DNAJC12: variants seen among roughly 807,000 people sequenced by gnomAD.
DNAJC12 encodes the protein dnaJ homolog subfamily C member 12.
Under a neutral mutation model 28.5 loss-of-function variants are expected in DNAJC12, and 25 were observed. The observed-to-expected ratio is 0.88, with a 90% confidence interval of 0.64 to 1.22. The LOEUF (loss-of-function observed/expected upper bound fraction) is 1.22. Ranked by LOEUF, DNAJC12 falls within the 50% of genes most tolerant of loss-of-function variation. DNAJC12 has a pLI of 0.00. For synonymous variants in DNAJC12, 77 were observed against 80.6 expected, an observed-to-expected ratio of 0.95 and a Z score of 0.24; for missense variants, 222 against 231.7, an observed-to-expected ratio of 0.96 and a Z score of 0.27.
intron 1 of DNAJC12, among the ~76,000 whole-genome samples, chr10:67,832,360 G>C (rs1342658580): frequency 3.3e-5 from 5 of 151,586 alleles, no homozygotes; most frequent in Admixed American, 1.3e-4. Flanking sequence ...TTTAAAACTA[G>C]ATTTTTCCCA....
At chr10:67,820,417 C>G (rs2131805738) in intron 2 of DNAJC12, among the ~76,000 whole-genome samples, 2 of 152,194 alleles carry the variant, frequency 1.3e-5, no homozygotes, top group South Asian at 4.2e-4. Flanking sequence ...AACTGCAAAA[C>G]TAGTCAATGG....
At chr10:67,799,024 C>T (rs970189256) in intron 4 of DNAJC12, among the ~76,000 whole-genome samples, 1 of 152,028 alleles carries the variant, frequency 6.6e-6, no homozygotes. Flanking sequence ...CTCAGCCTCC[C>T]AAAGTGCTGG....
At chr10:67,833,442 T>A (rs1299297999) in intron 1 of DNAJC12, among the ~76,000 whole-genome samples, 2 of 116,448 alleles carry the variant, frequency 1.7e-5, no homozygotes, top group African/African-American at 5.7e-5. Flanking sequence ...CCTCTCCCTC[T>A]CTCTCTCTCT....
At chr10:67,830,294 G>C (rs989828471) in intron 1 of DNAJC12, among the ~76,000 whole-genome samples, 39 of 150,934 alleles carry the variant, frequency 2.6e-4, no homozygotes, top group African/African-American at 9.3e-4. Flanking sequence ...CTGAGTGACA[G>C]AGCAAGACTC....
In DNAJC12 at chr10:67,805,763, T is replaced by A; in HGVS notation, c.322A>T (p.Lys108Ter). ...KTSMHWVVRG[K>*]KDLMLEESDK... Reference sequence around the variant, plus strand: ...GATTCTTCCAGCATCAGGTCTTTTTTACCTCTGACAACCCAGTGCATTGAC... The same window carrying A: ...GATTCTTCCAGCATCAGGTCTTTTTAACCTCTGACAACCCAGTGCATTGAC... Residue 108 changes from lysine (K) to a stop codon, truncating the protein, a stop_gained, in exon 4 of 5, where the codon AAA becomes TAA. Coordinates refer to ENST00000225171, the MANE Select transcript of DNAJC12 (RefSeq NM_021800.3). LOFTEE classifies it high-confidence loss of function. 1 of 1,606,558 alleles carries A rather than the reference T, an allele frequency of 6.2e-7. No individual in the cohort carries two copies. The highest frequency in any genetic ancestry group is 8.5e-7 in the Non-Finnish European group (1 of 1,178,060).
chr10:67,803,727 A>C (rs1841771132), intron 4 of DNAJC12, among the ~76,000 whole-genome samples: 1 of 152,236 alleles, frequency 6.6e-6, no homozygotes, highest in South Asian at 2.1e-4. Flanking sequence ...CAAGAAACAC[A>C]GAACTGAACA....
At chr10:67,797,409 A>G (rs915588970) in intron 4 of DNAJC12, among the ~76,000 whole-genome samples, 199 bp from the exon 5 acceptor site, 2 of 152,234 alleles carry the variant, frequency 1.3e-5, no homozygotes, top group African/African-American at 4.8e-5. Flanking sequence ...TACAATTTAT[A>G]TGGATGATAA....
At position 67,797,872 on chromosome 10, in the gene DNAJC12, C is replaced by G. The variant is rs1170557653; in HGVS notation, c.503-662G>C. ...TGGCTAACACGGTGAAACCCCGTCT[C>G]TACTAAAAATACAAAAAATTAGCCG... is the stretch of plus-strand genomic sequence containing the variant. On this transcript the variant is annotated intron_variant, in intron 4 of 4. Coordinates refer to ENST00000225171, the MANE Select transcript of DNAJC12 (RefSeq NM_021800.3). 3.9e-5 allele frequency among the ~76,000 whole-genome samples: 6 copies of G among 152,094 alleles called. No individual in the cohort carries two copies. In the South Asian group the frequency reaches 1.2e-3, roughly 32 times the overall value.
intron 1 of DNAJC12, chr10:67,834,028 A>G (rs1405481283): frequency 2.2e-6 from 1 of 455,388 alleles, no homozygotes; most frequent in African/African-American, 2.0e-5. Context: ...ATACTCTTAA[A>G]TCATAGCAGC....
intron 4 of DNAJC12, among the ~76,000 whole-genome samples, chr10:67,798,826 C>T (rs571514934): frequency 1.4e-5 from 2 of 143,376 alleles, no homozygotes; most frequent in African/African-American, 5.3e-5. Flanking sequence ...AGTGCAATGG[C>T]GCGATCTCAG....
intron 2 of DNAJC12, chr10:67,816,197 C>T (rs944727337): frequency 5.0e-6 from 2 of 397,192 alleles, no homozygotes; most frequent in Non-Finnish European, 8.9e-6. Flanking sequence ...ACAACAGTCA[C>T]ATTTTAAATG....
chr10:67,811,329 T>C (rs1315382636), intron 3 of DNAJC12, 195 bp downstream of exon 3: 3 of 1,406,556 alleles, frequency 2.1e-6, no homozygotes, highest in South Asian at 1.7e-5. Flanking sequence ...CAGGCTCTTC[T>C]GGCACAAATT....
At chr10:67,812,944 C>G (rs1841876515) in intron 2 of DNAJC12, among the ~76,000 whole-genome samples, 1 of 151,786 alleles carries the variant, frequency 6.6e-6, no homozygotes, top group African/African-American at 2.4e-5. Context: ...ATCGTTGGAA[C>G]CCGTGAGGCA....
At chr10:67,827,834 G>A (rs963118806) in intron 1 of DNAJC12, among the ~76,000 whole-genome samples, 3 of 152,096 alleles carry the variant, frequency 2.0e-5, no homozygotes, top group South Asian at 2.1e-4. Flanking sequence ...AATTAAGAAA[G>A]TCTATATCTT....
intron 2 of DNAJC12, among the ~76,000 whole-genome samples, chr10:67,822,530 G>A (rs1841990820): frequency 6.6e-6 from 1 of 152,132 alleles, no homozygotes; most frequent in African/African-American, 2.4e-5. Flanking sequence ...AGAGAGGCAG[G>A]AAAGTAGAGA....
At chr10:67,811,973 AT>A (rs1841865474) in intron 2 of DNAJC12, among the ~76,000 whole-genome samples, 2 of 152,212 alleles carry the variant, frequency 1.3e-5, no homozygotes, top group Admixed American at 1.3e-4. Flanking sequence ...ATTTGTAAAC[AT>A]TGAAAAAATA....
intron 2 of DNAJC12, among the ~76,000 whole-genome samples, chr10:67,813,516 G>A (rs193079121): frequency 0.013 from 2,037 of 151,880 alleles, 51 homozygotes; most frequent in African/African-American, 0.046. Context: ...TTGGGAGTCC[G>A]AAGTGGGCGG....
rs558920005 is a variant in DNAJC12 at position 67,798,860 on chromosome 10, G to A, written c.503-1650C>T. Among the ~76,000 whole-genome samples the A allele has an allele frequency of 7.7e-3, 1,157 of 150,216 alleles. 6 individuals are homozygous for A. Among genetic ancestry groups the A allele is most frequent in the Middle Eastern group, 0.027 (8 of 292 alleles). On this transcript the variant is annotated intron_variant, in intron 4 of 4. Transcript: ENST00000225171. ...AGCTCACCACAACCTCCGCCTCCCGGGTTCAAGCGATTCTCCTGCCTCAGC... is the reference window on the plus strand; with the variant it reads ...AGCTCACCACAACCTCCGCCTCCCGAGTTCAAGCGATTCTCCTGCCTCAGC...
At chr10:67,799,456 A>T (rs1287723672) in intron 4 of DNAJC12, among the ~76,000 whole-genome samples, 1 of 152,240 alleles carries the variant, frequency 6.6e-6, no homozygotes, top group Non-Finnish European at 1.5e-5. Flanking sequence ...ATACTAACAC[A>T]AATGAAAATA....
Sources: allele counts gnomAD v4.1 joint callset (sites outside exome capture counted in the v4.1 genomes callset), GRCh38; gene constraint gnomAD v4.1.1; transcripts MANE v1.5; gene names NCBI Gene and HGNC (gene_info 2026-07-23, HGNC 2026-07-21).